Variants in RAB35 observed in about 807,000 individuals in gnomAD.
The protein encoded by RAB35 is ras-related protein Rab-35.
In RAB35, 4 loss-of-function variants were observed where a neutral mutation model predicts 28.9. The ratio of observed to expected loss-of-function variants is 0.14; its 90% CI spans 0.07 to 0.32. The LOEUF (loss-of-function observed/expected upper bound fraction) is 0.32. Ranked by LOEUF, RAB35 falls within the 10% of genes least tolerant of loss-of-function variation. The probability of loss-of-function intolerance (pLI) is 1.00; values close to 1 mark genes in which losing one functional copy is unlikely to be tolerated. For missense variants in RAB35, 128 were observed against 274.0 expected, an observed-to-expected ratio of 0.47 and a Z score of 3.76; for synonymous variants, 99 against 105.1, an observed-to-expected ratio of 0.94 and a Z score of 0.35.
At chr12:120,113,745 G>C (rs1216399338) in intron 1 of RAB35, among the ~76,000 whole-genome samples, 1 of 151,884 alleles carries the variant, frequency 6.6e-6, no homozygotes, top group African/African-American at 2.4e-5. Context: ...GTGAACCGGG[G>C]AGGTGGAGCC....
At position 120,096,961 on chromosome 12, in the gene RAB35, C is replaced by T. The variant is rs765756506; in HGVS notation, c.*284G>A. 2 of 1,426,446 alleles carry T rather than the reference C, an allele frequency of 1.4e-6. No homozygotes were observed. Among genetic ancestry groups the T allele is most frequent in the Non-Finnish European group, 1.9e-6 (2 of 1,077,670 alleles). The allele number at this position is 1,426,446 out of a possible 1,614,324, so 88.4% of individuals were successfully genotyped here. A position where few individuals can be genotyped will look rare whatever the true frequency, so the allele number is the denominator to read the frequency against. On this transcript the variant is annotated 3_prime_UTR_variant, in exon 6 of 6. Transcript: ENST00000229340. Reference sequence around the variant, plus strand: ...CGGGTAGAGCAATATACACTATGTACAGACTCTGCGAATCAGTCCGCTCGG... The same window carrying T: ...CGGGTAGAGCAATATACACTATGTATAGACTCTGCGAATCAGTCCGCTCGG...
Position 120,098,967 on chromosome 12 carries a change from G to C in RAB35, c.353-32C>G, listed in dbSNP as rs758633302. ...ACGAAGGCAGAGTCAGCGCAGCCCT[G>C]AGGGGCGCAGCCGGCTGCCTCTCTC... On this transcript the variant is annotated intron_variant, in intron 4 of 5. Transcript: ENST00000229340. The C allele has an allele frequency of 3.1e-6, 5 of 1,613,934 alleles. No homozygotes were observed. The East Asian group carries it at 1.1e-4, about 36-fold the overall frequency.
intron 1 of RAB35, among the ~76,000 whole-genome samples, chr12:120,115,743 A>AGT (rs138565707): frequency 1.2e-4 from 18 of 152,054 alleles, no homozygotes; most frequent in African/African-American, 3.9e-4. Context: ...GCCCTCAAGC[A>AGT]GTGTGTGTGT....
chr12:120,109,210 T>C (rs1203939577), intron 1 of RAB35, among the ~76,000 whole-genome samples: 1 of 152,154 alleles, frequency 6.6e-6, no homozygotes. Context: ...TCCCAGCACT[T>C]TGGGAGGCCG....
intron 1 of RAB35, among the ~76,000 whole-genome samples, chr12:120,110,602 TC>T (rs1048325221): frequency 1.3e-4 from 20 of 152,136 alleles, no homozygotes; most frequent in Admixed American, 3.3e-4. Context: ...CCACCTGCAC[TC>T]TACCAAGTAA....
Position 120,116,599 on chromosome 12 carries a change from C to T in RAB35, c.52G>A (p.Gly18Ser). 8.3e-7 allele frequency: 1 copy of T among 1,204,770 alleles called. No individual in the cohort carries two copies. Among genetic ancestry groups the T allele is most frequent in the Non-Finnish European group, 1.0e-6 (1 of 970,684 alleles). The allele number at this position is 1,204,770 out of a possible 1,614,324, so 74.6% of individuals were successfully genotyped here. Reference sequence around the variant, plus strand: ...CGCCTCCGGCCGCTGCGGCCCTCACCGCTGTCGCCGATGATGAGCAGCTTG... The same window carrying T: ...CGCCTCCGGCCGCTGCGGCCCTCACTGCTGTCGCCGATGATGAGCAGCTTG... ...LFKLLIIGDSGVGKSSLLLRF... is the reference protein window; with the variant it reads ...LFKLLIIGDSSVGKSSLLLRF... Residue 18 changes from glycine (G) to serine (S), a missense_variant and splice_region_variant, in exon 1 of 6, where the codon GGT (glycine) becomes AGT (serine). Physicochemically the swap from Gly to Ser is moderately conservative, Grantham distance 56. Coordinates refer to ENST00000229340, the MANE Select transcript of RAB35 (RefSeq NM_006861.7).
At chr12:120,097,759 A>G (rs1875484074) in intron 5 of RAB35, among the ~76,000 whole-genome samples, 1 of 152,126 alleles carries the variant, frequency 6.6e-6, no homozygotes, top group South Asian at 2.1e-4. Flanking sequence ...CAAATAAATA[A>G]GTCTGAAAAA....
At position 120,116,753 on chromosome 12, in the gene RAB35, C is replaced by T; in HGVS notation, c.-103G>A. 8.5e-7 allele frequency: 1 copy of T among 1,181,498 alleles called. No homozygotes were observed. The allele number at this position is 1,181,498 out of a possible 1,614,324, so 73.2% of individuals were successfully genotyped here. On this transcript the variant is annotated 5_prime_UTR_variant, in exon 1 of 6. Coordinates refer to ENST00000229340, the MANE Select transcript of RAB35 (RefSeq NM_006861.7). ...GGCAGCGGCGGATCCACTTCCCGAA[C>T]AAACAGCCGGAACTGACAGAAACAC... is the stretch of plus-strand genomic sequence containing the variant.
chr12:120,099,474 G>T, intron 3 of RAB35: 2 of 388,890 alleles, frequency 5.1e-6, no homozygotes, highest in Non-Finnish European at 9.4e-6. Context: ...TGAAGTTCTT[G>T]CTTTATTTTG....
At chr12:120,111,162 G>A (rs1374373665) in intron 1 of RAB35, among the ~76,000 whole-genome samples, 2 of 152,208 alleles carry the variant, frequency 1.3e-5, no homozygotes, top group African/African-American at 4.8e-5. Context: ...ACGAACGCCC[G>A]CCACACTGAC....
chr12:120,102,397 G>A (rs928401852), intron 3 of RAB35, among the ~76,000 whole-genome samples: 1 of 152,102 alleles, frequency 6.6e-6, no homozygotes, highest in Non-Finnish European at 1.5e-5. Flanking sequence ...AGTGTCCTCC[G>A]CAGATTCTCA....
At chr12:120,114,379 C>T (rs754377621) in intron 1 of RAB35, among the ~76,000 whole-genome samples, 1 of 152,246 alleles carries the variant, frequency 6.6e-6, no homozygotes, top group Non-Finnish European at 1.5e-5. Flanking sequence ...AGGCGTGAGC[C>T]ACCGCGCCCG....
In RAB35 at chr12:120,096,953, A is replaced by G. The variant is rs1273065376; in HGVS notation, c.*292T>C. On this transcript the variant is annotated 3_prime_UTR_variant, in exon 6 of 6. Transcript: ENST00000229340. The stretch of plus-strand genomic sequence containing the variant: ...TGTGCGGCCGGGTAGAGCAATATAC[A>G]CTATGTACAGACTCTGCGAATCAGT... The G allele has an allele frequency of 7.1e-6, 10 of 1,411,646 alleles. No homozygotes were observed. The South Asian group carries it at 7.3e-5, about 10-fold the overall frequency. 87.4% of individuals were successfully genotyped at this position (1,411,646 alleles called of 1,614,324 possible).
At chr12:120,111,640 C>T (rs1023159339) in intron 1 of RAB35, among the ~76,000 whole-genome samples, 1 of 151,758 alleles carries the variant, frequency 6.6e-6, no homozygotes, top group Non-Finnish European at 1.5e-5. Context: ...GAGATCGTGT[C>T]ACTGCACTCC....
At chr12:120,110,614 C>T (rs1236859689) in intron 1 of RAB35, among the ~76,000 whole-genome samples, 2 of 152,152 alleles carry the variant, frequency 1.3e-5, no homozygotes, top group Admixed American at 1.3e-4. Context: ...TACCAAGTAA[C>T]CAAAGCGGAA....
Position 120,095,899 on chromosome 12 carries a change from G to GAATCAAAGACAGA in RAB35, c.*1345_*1346insTCTGTCTTTGATT, listed in dbSNP as rs1875364782. ...GAAACACATCCTGGTGTTAAACTCG[G>GAATCAAAGACAGA]TTCTTCCCAGGTCACTTGATCCCTG... On this transcript the variant is annotated 3_prime_UTR_variant, in exon 6 of 6. Transcript: ENST00000229340. 1 of 154,412 alleles carries GAATCAAAGACAGA rather than the reference G, an allele frequency of 6.5e-6. No homozygotes were observed. Among genetic ancestry groups the GAATCAAAGACAGA allele is most frequent in the Admixed American group, 6.4e-5 (1 of 15,590 alleles). The allele number at this position is 154,412 out of a possible 1,614,324, so 9.6% of individuals were successfully genotyped here.
At chr12:120,098,505 G>C (rs569126346) in intron 5 of RAB35, among the ~76,000 whole-genome samples, 10 of 152,244 alleles carry the variant, frequency 6.6e-5, no homozygotes, top group Non-Finnish European at 1.3e-4. Context: ...AGTGGAAACT[G>C]TGCTTGGCTT....
At chr12:120,099,663 C>G (rs145021058) in intron 3 of RAB35, among the ~76,000 whole-genome samples, 232 of 152,326 alleles carry the variant, frequency 1.5e-3, no homozygotes, top group African/African-American at 5.2e-3. Context: ...TCCTGCTACT[C>G]TTGGCTCATC....
intron 1 of RAB35, among the ~76,000 whole-genome samples, chr12:120,111,401 G>A (rs1475231938): frequency 1.3e-5 from 2 of 152,144 alleles, no homozygotes; most frequent in African/African-American, 2.4e-5. Flanking sequence ...CACTAGGCTG[G>A]CCAGGCGCAG....
Sources: gnomAD v4.1 joint callset for allele counts (sites outside exome capture counted in the v4.1 genomes callset) on GRCh38, gnomAD v4.1.1 for gene constraint, MANE v1.5 for transcripts, NCBI Gene and HGNC (gene_info 2026-07-23, HGNC 2026-07-21) for gene names.